CSE1L: variants seen among roughly 807,000 people sequenced by gnomAD.
CSE1L encodes the protein chromosome segregation 1 like.
A neutral mutation model predicts 120.4 loss-of-function variants in CSE1L; 24 were observed. The observed-to-expected ratio is 0.20, with a 90% confidence interval of 0.14 to 0.28. The LOEUF is 0.28. Ranked by LOEUF, CSE1L falls within the 10% of genes least tolerant of loss-of-function variation. The probability of loss-of-function intolerance (pLI) is 1.00; values close to 1 mark genes in which losing one functional copy is unlikely to be tolerated. For missense variants in CSE1L, 830 were observed against 1,145.2 expected (o/e 0.72, Z 3.97); for synonymous variants, 402 against 398.3 (o/e 1.01, Z -0.11).
chr20:49,064,279 C>A (rs1439354082), intron 3 of CSE1L, among the ~76,000 whole-genome samples: 1 of 152,208 alleles, frequency 6.6e-6, no homozygotes, highest in Non-Finnish European at 1.5e-5. Flanking sequence ...TGACAAAAAT[C>A]ATCAGTTTAT....
chr20:49,089,444 T>C (rs1339040169), intron 18 of CSE1L, 47 bp downstream of exon 18: 1 of 1,606,400 alleles, frequency 6.2e-7, no homozygotes, highest in Non-Finnish European at 8.5e-7. Context: ...AAAATTAACA[T>C]GGCTATAAAA....
chr20:49,056,395 C>T (rs141334518), intron 1 of CSE1L, among the ~76,000 whole-genome samples: 9 of 152,210 alleles, frequency 5.9e-5, no homozygotes, highest in African/African-American at 1.9e-4. Context: ...TGAGCAACCG[C>T]GCCCAGCCTA....
intron 2 of CSE1L, among the ~76,000 whole-genome samples, chr20:49,061,772 G>A (rs1047307030): frequency 2.6e-5 from 4 of 151,938 alleles, no homozygotes; most frequent in Admixed American, 2.6e-4. Context: ...CATAGTGCTG[G>A]GATTACAGGT....
At chr20:49,092,666 G>A (rs184892118) in intron 22 of CSE1L, among the ~76,000 whole-genome samples, 1 of 152,078 alleles carries the variant, frequency 6.6e-6, no homozygotes, top group Non-Finnish European at 1.5e-5. Flanking sequence ...ATGGGGGGCA[G>A]GGGAAGGGAG....
At position 49,095,265 on chromosome 20, in the gene CSE1L, A is replaced by C. The variant is rs1402722617; in HGVS notation, c.2826+302A>C. 5 of 345,082 alleles carry C rather than the reference A, an allele frequency of 1.4e-5. No individual in the cohort carries two copies. In the East Asian group the frequency reaches 3.3e-4, roughly 23 times the overall value. The allele number at this position is 345,082 out of a possible 1,614,324, so 21.4% of individuals were successfully genotyped here. On this transcript the variant is annotated intron_variant, in intron 24 of 24. Transcript: ENST00000262982. ...TGTCAGCACTTTATAATAAGAGTTT[A>C]TTTCCCAGATCGAAGTAATCCATCT...
At chr20:49,057,451 G>T (rs2091817346) in intron 1 of CSE1L, among the ~76,000 whole-genome samples, 2 of 138,358 alleles carry the variant, frequency 1.4e-5, no homozygotes, top group African/African-American at 5.6e-5. Flanking sequence ...CTCGTTGTGG[G>T]GCCTTTTTTT....
At chr20:49,090,703 C>A in intron 19 of CSE1L, 39 bp from the exon 20 acceptor site, 1 of 1,476,984 alleles carries the variant, frequency 6.8e-7, no homozygotes, top group Non-Finnish European at 9.5e-7. Context: ...AATAATTATT[C>A]CTGTTAACCA....
chr20:49,060,851 T>A (rs909132407), intron 2 of CSE1L, among the ~76,000 whole-genome samples: 1 of 152,166 alleles, frequency 6.6e-6, no homozygotes, highest in Non-Finnish European at 1.5e-5. Flanking sequence ...CAGTCAGTTA[T>A]TGATCCTTGA....
At chr20:49,059,601 C>T (rs1268381778) in intron 2 of CSE1L, among the ~76,000 whole-genome samples, 1 of 152,054 alleles carries the variant, frequency 6.6e-6, no homozygotes, top group Non-Finnish European at 1.5e-5. Context: ...ATTTTGGGGC[C>T]GGGTGCGGTG....
chr20:49,078,521 T>C (rs1276677750), intron 13 of CSE1L, 40 bp from the exon 14 acceptor site: 1 of 1,395,998 alleles, frequency 7.2e-7, no homozygotes, highest in Non-Finnish European at 9.9e-7. Context: ...TAATGATCCT[T>C]ACCACTTAAG....
intron 14 of CSE1L, among the ~76,000 whole-genome samples, chr20:49,083,501 G>A (rs2092030175): frequency 6.6e-6 from 1 of 152,128 alleles, no homozygotes; most frequent in Non-Finnish European, 1.5e-5. Flanking sequence ...CTGGGCTTAA[G>A]CAATTGTTCT....
chr20:49,086,183 G>A (rs191010423), intron 16 of CSE1L, among the ~76,000 whole-genome samples: 3 of 152,132 alleles, frequency 2.0e-5, no homozygotes, highest in Admixed American at 6.5e-5. Flanking sequence ...TTTCACTGTT[G>A]CATCCCAAAA....
chr20:49,060,442 A>G (rs2091843150), intron 2 of CSE1L, among the ~76,000 whole-genome samples: 1 of 149,530 alleles, frequency 6.7e-6, no homozygotes, highest in Non-Finnish European at 1.5e-5. Context: ...AGGCCACTGC[A>G]CTCCAGCCTG....
At position 49,089,819 on chromosome 20, in the gene CSE1L, A is replaced by AT. The variant is rs1568787302; in HGVS notation, c.2181+80dup. On this transcript the variant is annotated intron_variant, in intron 19 of 24. Coordinates refer to ENST00000262982, the MANE Select transcript of CSE1L (RefSeq NM_001316.4). Reference sequence around the variant, plus strand: ...AAACTGGGGATGGCAGATGTTTGAAATTTTTTTATTTAAAATAAATTTAAG... The same window carrying AT: ...AAACTGGGGATGGCAGATGTTTGAAATTTTTTTTATTTAAAATAAATTTAAG... 2.9e-6 allele frequency: 4 copies of AT among 1,399,304 alleles called. No individual in the cohort carries two copies. The East Asian group carries it at 9.5e-5, about 33-fold the overall frequency. 86.7% of individuals were successfully genotyped at this position (1,399,304 alleles called of 1,614,324 possible).
At chr20:49,071,522 C>A (rs2091931447) in intron 8 of CSE1L, among the ~76,000 whole-genome samples, 1 of 152,178 alleles carries the variant, frequency 6.6e-6, no homozygotes, top group Admixed American at 6.5e-5. Flanking sequence ...CTCACTCTGT[C>A]ACCAAGGCTG....
chr20:49,074,577 C>G (rs2091956685), intron 10 of CSE1L, among the ~76,000 whole-genome samples: 1 of 152,134 alleles, frequency 6.6e-6, no homozygotes, highest in Non-Finnish European at 1.5e-5. Context: ...GAGCCTATCT[C>G]ATAGTTGTGT....
Position 49,094,876 on chromosome 20 carries a change from G to A in CSE1L, c.2739G>A (p.Glu913=). 6.2e-7 allele frequency: 1 copy of A among 1,614,162 alleles called. No individual in the cohort carries two copies. The highest frequency in any genetic ancestry group is 8.5e-7 in the Non-Finnish European group (1 of 1,180,032). Residue 913 remains glutamate (E), a synonymous_variant, in exon 24 of 25, where the codon GAG becomes GAA. Transcript: ENST00000262982. The stretch of plus-strand genomic sequence containing the variant: ...AGTTGGCATTTGCTGGGAAAAAAGA[G>A]CATGATCCTGTAGGTCAAATGGTGA... ...FSQLAFAGKK[E]HDPVGQMVNN...
At chr20:49,074,921 A>T in intron 11 of CSE1L, 71 bp downstream of exon 11, 1 of 1,122,950 alleles carries the variant, frequency 8.9e-7, no homozygotes, top group Non-Finnish European at 1.3e-6. Context: ...TTTCTAGTAA[A>T]TGGGAGAAGT....
chr20:49,071,910 G>C (rs1470275998), intron 8 of CSE1L, among the ~76,000 whole-genome samples: 1 of 148,366 alleles, frequency 6.7e-6, no homozygotes, highest in African/African-American at 2.5e-5. Flanking sequence ...GGAGCTTGCA[G>C]TGAGCTGAGA....
Sources: gnomAD v4.1 joint callset for allele counts (sites outside exome capture counted in the v4.1 genomes callset) on GRCh38, gnomAD v4.1.1 for gene constraint, MANE v1.5 for transcripts, NCBI Gene and HGNC (gene_info 2026-07-23, HGNC 2026-07-21) for gene names.